CD274: variants seen among roughly 807,000 people sequenced by gnomAD.
CD274 encodes programmed cell death 1 ligand 1.
In CD274, 8 loss-of-function variants were observed where a neutral mutation model predicts 30.1. That is an observed-to-expected ratio of 0.27 (90% CI 0.16 to 0.48). The LOEUF is 0.48. CD274 is among the 20% of genes least tolerant of loss of function. The pLI, the probability that CD274 is intolerant of heterozygous loss-of-function variation, is 0.99. For synonymous variants in CD274, 152 were observed against 124.6 expected (o/e 1.22, Z -1.46); for missense variants, 353 against 346.6 (o/e 1.02, Z -0.15).
chr9:5,463,001 G>A lies in CD274; in HGVS notation c.562G>A (p.Glu188Lys), dbSNP rs1819433195. 1 of 1,613,924 alleles carries A rather than the reference G, an allele frequency of 6.2e-7. No individual in the cohort carries two copies. Among genetic ancestry groups the A allele is most frequent in the African/African-American group, 1.3e-5 (1 of 74,900 alleles). ...CACCACCACCAATTCCAAGAGAGAG[G>A]AGAAGCTTTTCAATGTGACCAGCAC... ...KTTTTNSKRE[E>K]KLFNVTSTLR... The change falls in exon 4 of 7, where the codon GAG becomes AAG. Residue 188 changes from glutamate (E) to lysine (K), a missense_variant. Transcript: ENST00000381577.
intron 3 of CD274, among the ~76,000 whole-genome samples, chr9:5,458,428 C>T (rs1478371252): frequency 6.6e-6 from 1 of 152,212 alleles, no homozygotes; most frequent in Non-Finnish European, 1.5e-5. Flanking sequence ...AAGCTGAAAT[C>T]TGCCCCTCTA....
In CD274 at chr9:5,470,242, G is replaced by T. The variant is rs10217310; in HGVS notation, c.*2380G>T. 6,559 of 232,554 alleles carry T rather than the reference G, an allele frequency of 0.028. 386 individuals are homozygous for T. The highest frequency in any genetic ancestry group is 0.13 in the African/African-American group (5,954 of 45,362). The allele number at this position is 232,554 out of a possible 1,614,324, so 14.4% of individuals were successfully genotyped here. ...GTACATGTGCATTTGTACAGTAATTGGTGTGACAGTGTTCTTTGTGTGAAT... is the reference window on the plus strand; with the variant it reads ...GTACATGTGCATTTGTACAGTAATTTGTGTGACAGTGTTCTTTGTGTGAAT... On this transcript the variant is annotated 3_prime_UTR_variant, in exon 7 of 7. Transcript: ENST00000381577.
chr9:5,463,480 A>AT (rs1819443851), intron 4 of CD274, among the ~76,000 whole-genome samples: 1 of 152,232 alleles, frequency 6.6e-6, no homozygotes, highest in South Asian at 2.1e-4. Context: ...ATAGCCGGGA[A>AT]ACCTGGGGAA....
At chr9:5,459,583 G>T (rs1220478626) in intron 3 of CD274, among the ~76,000 whole-genome samples, 1 of 152,158 alleles carries the variant, frequency 6.6e-6, no homozygotes, top group Non-Finnish European at 1.5e-5. Context: ...TATTTTAAAG[G>T]TGAAACATTT....
At chr9:5,459,046 G>C (rs1270245542) in intron 3 of CD274, among the ~76,000 whole-genome samples, 1 of 152,026 alleles carries the variant, frequency 6.6e-6, no homozygotes, top group East Asian at 1.9e-4. Flanking sequence ...GGAAGGGACA[G>C]CTGTCCTTGT....
chr9:5,453,763 G>T (rs1442579030), intron 1 of CD274, among the ~76,000 whole-genome samples: 1 of 152,184 alleles, frequency 6.6e-6, no homozygotes, highest in Non-Finnish European at 1.5e-5. Context: ...GCTCACAGTG[G>T]TGACAAGGTT....
chr9:5,466,498 A>G (rs1281319326), intron 5 of CD274, among the ~76,000 whole-genome samples: 1 of 152,196 alleles, frequency 6.6e-6, no homozygotes, highest in Non-Finnish European at 1.5e-5. Flanking sequence ...GATAGAAATC[A>G]ATAGATATTA....
intron 3 of CD274, among the ~76,000 whole-genome samples, chr9:5,462,423 A>G (rs1476617042): frequency 6.6e-6 from 1 of 152,236 alleles, no homozygotes; most frequent in African/African-American, 2.4e-5. Flanking sequence ...GGAGAGGGAT[A>G]TTTTGTATTT....
rs115397983 is a variant in CD274 at position 5,456,572 on chromosome 9, A to G, written c.52+407A>G. Among the ~76,000 whole-genome samples, 461 of 152,312 alleles carry G rather than the reference A, an allele frequency of 3.0e-3. 2 individuals carry two copies. Among genetic ancestry groups the G allele is most frequent in the African/African-American group, 0.01 (431 of 41,572 alleles). On this transcript the variant is annotated intron_variant, in intron 2 of 6. Transcript: ENST00000381577. ...ACTTTAAGGAAGAATTGTAAGATAC[A>G]TGGAAAATGTCAGGCTAACACAGTA... is the stretch of plus-strand genomic sequence containing the variant.
At chr9:5,459,800 T>C (rs921700507) in intron 3 of CD274, among the ~76,000 whole-genome samples, 16 of 152,080 alleles carry the variant, frequency 1.1e-4, no homozygotes, top group African/African-American at 3.9e-4. Context: ...TTCAATGAGA[T>C]TAGGCAGCTG....
intron 1 of CD274, among the ~76,000 whole-genome samples, chr9:5,453,707 A>C (rs1444578686): frequency 6.6e-6 from 1 of 152,262 alleles, no homozygotes; most frequent in Non-Finnish European, 1.5e-5. Flanking sequence ...ACTTTTTAAA[A>C]GATTACAGGG....
Position 5,469,948 on chromosome 9 carries a change from C to T in CD274, c.*2086C>T, listed in dbSNP as rs1000236972. On this transcript the variant is annotated 3_prime_UTR_variant, in exon 7 of 7. Coordinates refer to ENST00000381577, the MANE Select transcript of CD274 (RefSeq NM_014143.4). The stretch of plus-strand genomic sequence containing the variant: ...AATCACATTTTCTTTCTGGAAATTC[C>T]GGCAGTGTACCTTGACTGCTAGCTA... 26 of 233,150 alleles carry T rather than the reference C, an allele frequency of 1.1e-4. No individual in the cohort carries two copies. The highest frequency in any genetic ancestry group is 3.6e-4 in the East Asian group (6 of 16,582). 14.4% of individuals were successfully genotyped at this position (233,150 alleles called of 1,614,324 possible). A position where few individuals can be genotyped will look rare whatever the true frequency, so the allele number is the denominator to read the frequency against.
intron 3 of CD274, among the ~76,000 whole-genome samples, chr9:5,458,063 C>T (rs1261439910): frequency 6.6e-6 from 1 of 152,164 alleles, no homozygotes; most frequent in East Asian, 1.9e-4. Flanking sequence ...GGCATATATT[C>T]ATCTTGAAAA....
At chr9:5,465,390 A>G (rs910890258) in intron 4 of CD274, 109 bp from the exon 5 acceptor site, 15 of 637,708 alleles carry the variant, frequency 2.4e-5, no homozygotes, top group Non-Finnish European at 3.6e-5. Flanking sequence ...GGCATTTAAG[A>G]AAATTATCCT....
At chr9:5,464,979 C>T (rs1392715695) in intron 4 of CD274, among the ~76,000 whole-genome samples, 3 of 151,362 alleles carry the variant, frequency 2.0e-5, no homozygotes, top group East Asian at 2.0e-4. Context: ...CCCAGCTACT[C>T]GGGAGACTGA....
intron 2 of CD274, among the ~76,000 whole-genome samples, chr9:5,456,787 G>T (rs1263560258): frequency 6.6e-6 from 1 of 152,216 alleles, no homozygotes; most frequent in Non-Finnish European, 1.5e-5. Flanking sequence ...CTCCCTGGTT[G>T]TAAGGACTCC....
intron 3 of CD274, among the ~76,000 whole-genome samples, chr9:5,461,416 G>A (rs1819402486): frequency 6.6e-6 from 1 of 152,080 alleles, no homozygotes; most frequent in Non-Finnish European, 1.5e-5. Context: ...TTATTTTTGT[G>A]TTTTGAAATC....
At chr9:5,462,013 G>T (rs184262432) in intron 3 of CD274, among the ~76,000 whole-genome samples, 4 of 152,118 alleles carry the variant, frequency 2.6e-5, no homozygotes, top group Admixed American at 6.6e-5. Context: ...TAGTTATGAC[G>T]ATTGTACCAT....
chr9:5,463,522 T>C (rs1819444741), intron 4 of CD274, among the ~76,000 whole-genome samples: 1 of 152,214 alleles, frequency 6.6e-6, no homozygotes. Context: ...TCAGGCCTTG[T>C]TTCAGGAATC....
Sources: gnomAD v4.1 joint callset for allele counts (sites outside exome capture counted in the v4.1 genomes callset) on GRCh38, gnomAD v4.1.1 for gene constraint, MANE v1.5 for transcripts, NCBI Gene and HGNC (gene_info 2026-07-23, HGNC 2026-07-21) for gene names.